GRIA1: variants seen among roughly 807,000 people sequenced by gnomAD.
GRIA1 encodes glutamate ionotropic receptor AMPA type subunit 1, also known as glutamate receptor 1.
Under a neutral mutation model 99.2 loss-of-function variants are expected in GRIA1, and 31 were observed. The observed-to-expected ratio is 0.31, with a 90% CI of 0.23 to 0.42. The LOEUF (loss-of-function observed/expected upper bound fraction) is 0.42. GRIA1 is among the 10% of genes least tolerant of loss of function. The pLI is 1.00. For synonymous variants in GRIA1, 438 were observed against 432.4 expected, an observed-to-expected ratio of 1.01 and a Z score of -0.16; for missense variants, 782 against 1,157.5, an observed-to-expected ratio of 0.68 and a Z score of 4.71.
chr5:153,491,402 T>A, intron 1 of GRIA1: 1 of 670,292 alleles, frequency 1.5e-6, no homozygotes, highest in Non-Finnish European at 1.9e-6. Flanking sequence ...TATATGTAAT[T>A]GAAGGAGGCA....
chr5:153,570,249 G>T (rs538707030), intron 2 of GRIA1, among the ~76,000 whole-genome samples: 5 of 152,232 alleles, frequency 3.3e-5, no homozygotes, highest in African/African-American at 1.2e-4. Flanking sequence ...TTTGGCAATG[G>T]TTCTTCAATT....
At chr5:153,766,947 T>C (rs572603046) in intron 12 of GRIA1, among the ~76,000 whole-genome samples, 4 of 152,370 alleles carry the variant, frequency 2.6e-5, no homozygotes, top group Non-Finnish European at 4.4e-5. Context: ...TGCCCAGGCC[T>C]ACTACATTGG....
intron 8 of GRIA1, among the ~76,000 whole-genome samples, chr5:153,690,621 A>T (rs1016618115): frequency 6.6e-6 from 1 of 152,192 alleles, no homozygotes; most frequent in African/African-American, 2.4e-5. Flanking sequence ...GGCCACAGGG[A>T]TTTTATATCA....
intron 2 of GRIA1, among the ~76,000 whole-genome samples, chr5:153,602,724 G>A (rs1182968767): frequency 6.6e-6 from 1 of 152,058 alleles, no homozygotes; most frequent in African/African-American, 2.4e-5. Flanking sequence ...ACAGCCCTGG[G>A]CTACAGTTCC....
intron 2 of GRIA1, among the ~76,000 whole-genome samples, chr5:153,498,208 G>A (rs183163779): frequency 1.5e-4 from 23 of 152,278 alleles, no homozygotes; most frequent in Non-Finnish European, 2.8e-4. Context: ...ATGGGACAGA[G>A]TAAACCCCAT....
rs114436465 is a variant in GRIA1, at chr5:153,734,476, T to G, written c.1823+28409T>G. 5.6e-3 allele frequency among the ~76,000 whole-genome samples: 848 copies of G among 152,308 alleles called. 13 individuals are homozygous for G. Among genetic ancestry groups the G allele is most frequent in the African/African-American group, 0.019 (809 of 41,562 alleles). Reference sequence around the variant, plus strand: ...GGGAGTATCACATGCCTGTCTGTAGTGCAGGAGAGGCTCTGTCCATAACTT... The same window carrying G: ...GGGAGTATCACATGCCTGTCTGTAGGGCAGGAGAGGCTCTGTCCATAACTT... On this transcript the variant is annotated intron_variant, in intron 11 of 15. Coordinates refer to ENST00000285900, the MANE Select transcript of GRIA1 (RefSeq NM_000827.4).
chr5:153,620,971 A>G (rs1266782775), intron 2 of GRIA1, among the ~76,000 whole-genome samples: 2 of 152,182 alleles, frequency 1.3e-5, no homozygotes, highest in Non-Finnish European at 2.9e-5. Context: ...GTGAGAATAT[A>G]GCTTTGTTAT....
At chr5:153,770,542 C>A (rs558693648) in intron 13 of GRIA1, 127 bp downstream of exon 13, 4 of 863,242 alleles carry the variant, frequency 4.6e-6, no homozygotes, top group African/African-American at 3.4e-5. Context: ...TTCTTCAACA[C>A]CTATGGGCCT....
chr5:153,648,267 TCTCAGA>T (rs1300221573), intron 3 of GRIA1, among the ~76,000 whole-genome samples: 1 of 152,220 alleles, frequency 6.6e-6, no homozygotes, highest in Admixed American at 6.5e-5. Flanking sequence ...TGACTTCCCT[TCTCAGA>T]CTGTGACTAT....
At chr5:153,668,409 G>T (rs34845341) in intron 5 of GRIA1, among the ~76,000 whole-genome samples, 9,505 of 152,054 alleles carry the variant, frequency 0.063, 312 homozygotes, top group Middle Eastern at 0.13. Context: ...TTTTTTAATT[G>T]TTGGGAAAAA....
intron 2 of GRIA1, among the ~76,000 whole-genome samples, chr5:153,515,501 A>G (rs1756528608): frequency 6.6e-6 from 1 of 152,202 alleles, no homozygotes; most frequent in Non-Finnish European, 1.5e-5. Context: ...GTCAAAGGGC[A>G]CAAGGTTTCA....
chr5:153,543,359 A>T (rs1448539720), intron 2 of GRIA1, among the ~76,000 whole-genome samples: 1 of 152,234 alleles, frequency 6.6e-6, no homozygotes, highest in Non-Finnish European at 1.5e-5. Context: ...TATACAAGGC[A>T]TGGTACTAAG....
intron 2 of GRIA1, among the ~76,000 whole-genome samples, chr5:153,578,042 T>G (rs571866576): frequency 3.0e-4 from 45 of 148,186 alleles, no homozygotes; most frequent in Admixed American, 1.6e-3. Context: ...TTCTAGCTAC[T>G]CGGGAGGCTG....
chr5:153,584,498 C>T (rs562245236), intron 2 of GRIA1, among the ~76,000 whole-genome samples: 6 of 152,174 alleles, frequency 3.9e-5, no homozygotes, highest in African/African-American at 1.4e-4. Flanking sequence ...CTGGCTCCCT[C>T]ACAGCAGATG....
intron 2 of GRIA1, among the ~76,000 whole-genome samples, chr5:153,558,839 C>T (rs901050786): frequency 6.6e-6 from 1 of 152,072 alleles, no homozygotes; most frequent in African/African-American, 2.4e-5. Context: ...CAGCTTTTGT[C>T]GGATTCCCAA....
intron 8 of GRIA1, among the ~76,000 whole-genome samples, chr5:153,688,729 G>T (rs532575272): frequency 0.072 from 10,839 of 150,648 alleles, 423 homozygotes; most frequent in Middle Eastern, 0.11. Flanking sequence ...TTCTTTTTTT[G>T]TTTTTTTGGA....
chr5:153,503,846 G>C (rs1260099424), intron 2 of GRIA1, among the ~76,000 whole-genome samples: 1 of 152,162 alleles, frequency 6.6e-6, no homozygotes, highest in Non-Finnish European at 1.5e-5. Context: ...TTAACTTCAG[G>C]TATAGCCAAA....
At chr5:153,600,208 G>A (rs1262827266) in intron 2 of GRIA1, among the ~76,000 whole-genome samples, 2 of 151,848 alleles carry the variant, frequency 1.3e-5, no homozygotes, top group Admixed American at 6.6e-5. Context: ...TGGCTAACAT[G>A]GTGAAACACT....
intron 13 of GRIA1, among the ~76,000 whole-genome samples, chr5:153,781,172 C>T (rs576854319): frequency 2.0e-5 from 3 of 152,204 alleles, no homozygotes; most frequent in East Asian, 1.9e-4. Flanking sequence ...GAATCCTAAC[C>T]AAAGGAACCA....
Sources: allele counts gnomAD v4.1 joint callset (sites outside exome capture counted in the v4.1 genomes callset), GRCh38; gene constraint gnomAD v4.1.1; transcripts MANE v1.5; gene names NCBI Gene and HGNC (gene_info 2026-07-23, HGNC 2026-07-21).